Variants in CACNA1D observed in about 807,000 individuals in gnomAD.
The protein encoded by CACNA1D is voltage-dependent L-type calcium channel subunit alpha-1D.
CACNA1D carries 55 observed loss-of-function variants against 257.1 expected under a neutral mutation model. The ratio of observed to expected loss-of-function variants is 0.21; its 90% CI spans 0.17 to 0.27. The LOEUF (loss-of-function observed/expected upper bound fraction) is 0.27. Among genes scored for constraint, CACNA1D ranks in the 10% least tolerant of loss-of-function variants. The probability of loss-of-function intolerance (pLI) is 1.00; values close to 1 mark genes in which losing one functional copy is unlikely to be tolerated. For synonymous variants in CACNA1D, 980 were observed against 1,014.9 expected, an observed-to-expected ratio of 0.97 and a Z score of 0.65; for missense variants, 1,876 against 2,784.0, an observed-to-expected ratio of 0.67 and a Z score of 7.34.
intron 18 of CACNA1D, 98 bp downstream of exon 18, chr3:53,732,180 T>G (rs945312550): frequency 1.1e-6 from 1 of 935,218 alleles, no homozygotes; most frequent in Admixed American, 1.8e-5. Context: ...CCCAGCAGCG[T>G]GCACATGAGC....
chr3:53,639,390 C>G (rs1312631326), intron 3 of CACNA1D, among the ~76,000 whole-genome samples: 1 of 144,602 alleles, frequency 6.9e-6, no homozygotes, highest in Non-Finnish European at 1.5e-5. Context: ...CTCTCTCTCT[C>G]TTTTTTTTTT....
At chr3:53,709,347 T>A (rs972081005) in intron 9 of CACNA1D, among the ~76,000 whole-genome samples, 8 of 152,206 alleles carry the variant, frequency 5.3e-5, no homozygotes, top group Non-Finnish European at 1.2e-4. Flanking sequence ...CCCAAGGCCA[T>A]GTGACTTACG....
chr3:53,507,150 G>C (rs972678303), intron 3 of CACNA1D, among the ~76,000 whole-genome samples: 1 of 151,492 alleles, frequency 6.6e-6, no homozygotes, highest in Non-Finnish European at 1.5e-5. Context: ...AGATGGACTC[G>C]TGTAGTAAAA....
At chr3:53,546,543 A>G (rs536600397) in intron 3 of CACNA1D, among the ~76,000 whole-genome samples, 139 of 152,336 alleles carry the variant, frequency 9.1e-4, no homozygotes, top group Non-Finnish European at 1.5e-3. Flanking sequence ...CTGAAAGGCC[A>G]TAAGAGTCAG....
chr3:53,505,679 G>A (rs1264970957), intron 3 of CACNA1D, among the ~76,000 whole-genome samples: 2 of 152,190 alleles, frequency 1.3e-5, no homozygotes, highest in African/African-American at 2.4e-5. Flanking sequence ...GAAGGTGTAC[G>A]TGTTATTCCT....
At chr3:53,682,028 C>A (rs1177515142) in intron 8 of CACNA1D, among the ~76,000 whole-genome samples, 1 of 152,022 alleles carries the variant, frequency 6.6e-6, no homozygotes, top group Non-Finnish European at 1.5e-5. Context: ...ATCCAGGTCA[C>A]GTAGGACCTT....
intron 3 of CACNA1D, among the ~76,000 whole-genome samples, chr3:53,535,104 C>T (rs993413053): frequency 6.6e-6 from 1 of 152,232 alleles, no homozygotes; most frequent in African/African-American, 2.4e-5. Context: ...CGCTTGTTCA[C>T]ACTTGCTCAC....
chr3:53,625,668 A>G (rs2093749931), intron 3 of CACNA1D, among the ~76,000 whole-genome samples: 4 of 152,196 alleles, frequency 2.6e-5, no homozygotes, highest in Admixed American at 2.6e-4. Flanking sequence ...ATTAATTATT[A>G]AGTGCCCTTG....
In CACNA1D at chr3:53,730,524, A is replaced by C; in HGVS notation, c.2304A>C (p.Glu768Asp). 6.2e-7 allele frequency: 1 copy of C among 1,614,094 alleles called. No individual in the cohort carries two copies. The highest frequency in any genetic ancestry group is 8.5e-7 in the Non-Finnish European group (1 of 1,179,894). The change falls in exon 16 of 48, where the codon GAA (glutamate) becomes GAC (aspartate). Residue 768 changes from glutamate (E) to aspartate (D), a missense_variant. This residue lies in a region of CACNA1D where 78 missense variants were observed against 69.2 expected (regional missense o/e 1.13). Coordinates refer to ENST00000350061, the MANE Select transcript of CACNA1D (RefSeq NM_001128840.3). ...GTCTGAACACTGCTCAGAAAGAAGA[A>C]GCGGAAGAAAAGGAGAGGAAAAAGA... is the stretch of plus-strand genomic sequence containing the variant. ...AESLNTAQKE[E>D]AEEKERKKIA...
chr3:53,546,373 G>A (rs2092413175), intron 3 of CACNA1D, among the ~76,000 whole-genome samples: 1 of 132 alleles, frequency 7.6e-3, no homozygotes, highest in South Asian at 0.17. Flanking sequence ...GTCTGAATTT[G>A]GGGTAGGGTT....
Position 53,774,565 on chromosome 3 carries a change from T to G in CACNA1D, c.4111-22T>G, listed in dbSNP as rs1453614175. The G allele has an allele frequency of 1.4e-6, 2 of 1,415,690 alleles. No individual in the cohort carries two copies. Among genetic ancestry groups the G allele is most frequent in the African/African-American group, 2.8e-5 (2 of 70,974 alleles). The allele number at this position is 1,415,690 out of a possible 1,614,324, so 87.7% of individuals were successfully genotyped here. Reference sequence around the variant, plus strand: ...TGCATGACGAAATCTATTCTCTTTTTCCTGACAACTTCTCCACCTAGATGT... The same window carrying G: ...TGCATGACGAAATCTATTCTCTTTTGCCTGACAACTTCTCCACCTAGATGT... On this transcript the variant is annotated intron_variant, in intron 33 of 47. Coordinates refer to ENST00000350061, the MANE Select transcript of CACNA1D (RefSeq NM_001128840.3). This position sits in a 1 kb window ranked among gnomAD's most constrained non-coding sequence, Gnocchi z 4.3.
intron 8 of CACNA1D, among the ~76,000 whole-genome samples, chr3:53,686,698 C>A (rs962271798): frequency 6.6e-6 from 1 of 151,728 alleles, no homozygotes; most frequent in African/African-American, 2.4e-5. Context: ...CTATAGCTGA[C>A]AACATACTTA....
At chr3:53,675,669 G>A (rs894588354) in intron 8 of CACNA1D, among the ~76,000 whole-genome samples, 3 of 152,142 alleles carry the variant, frequency 2.0e-5, no homozygotes, top group Non-Finnish European at 4.4e-5. Flanking sequence ...CAACTCCGTG[G>A]GAGGTACCCA....
At chr3:53,553,652 C>A (rs2092580716) in intron 3 of CACNA1D, among the ~76,000 whole-genome samples, 1 of 152,086 alleles carries the variant, frequency 6.6e-6, no homozygotes, top group Admixed American at 6.5e-5. Flanking sequence ...GCAGTTGTAA[C>A]AGTGTAATGA....
chr3:53,582,906 C>T (rs554397340), intron 3 of CACNA1D, among the ~76,000 whole-genome samples: 103 of 152,234 alleles, frequency 6.8e-4, no homozygotes, highest in African/African-American at 2.2e-3. Flanking sequence ...GTGCACCTTT[C>T]CCCCACAACT....
intron 3 of CACNA1D, among the ~76,000 whole-genome samples, chr3:53,511,447 C>G (rs1487019412): frequency 6.6e-6 from 1 of 152,006 alleles, no homozygotes; most frequent in Non-Finnish European, 1.5e-5. Flanking sequence ...TTCTAGGAAG[C>G]ACATCCAAGG....
At chr3:53,799,939 C>T (rs917441311) in intron 40 of CACNA1D, 31 of 424,258 alleles carry the variant, frequency 7.3e-5, no homozygotes, top group African/African-American at 4.9e-4. Flanking sequence ...GAGACAGGGG[C>T]ATAAGCTCTT....
At chr3:53,791,199 G>A (rs976811530) in intron 40 of CACNA1D, 18 of 580,674 alleles carry the variant, frequency 3.1e-5, no homozygotes, top group Non-Finnish European at 4.0e-5. Flanking sequence ...AAGCGGGGCC[G>A]TGGCTCATCT....
At chr3:53,678,407 T>G (rs912344814) in intron 8 of CACNA1D, among the ~76,000 whole-genome samples, 6 of 152,222 alleles carry the variant, frequency 3.9e-5, no homozygotes, top group African/African-American at 1.4e-4. Context: ...TTCAAAATCA[T>G]ACCAATTAAT....
Sources: gnomAD v4.1 joint callset for allele counts (sites outside exome capture counted in the v4.1 genomes callset) on GRCh38, gnomAD v4.1.1 for gene constraint, gnomAD v4.1.1 regional missense constraint, Gnocchi (gnomAD v3.1) non-coding constraint, MANE v1.5 for transcripts, NCBI Gene and HGNC (gene_info 2026-07-23, HGNC 2026-07-21) for gene names.